Variants in SNX29 observed in about 807,000 individuals in gnomAD.
SNX29 encodes sorting nexin-29.
A neutral mutation model predicts 102.1 loss-of-function variants in SNX29; 78 were observed. The ratio of observed to expected loss-of-function variants is 0.76; its 90% CI spans 0.64 to 0.92. SNX29 has a LOEUF of 0.92. Among genes scored for constraint, SNX29 ranks in the 40% least tolerant of loss-of-function variants. The pLI, the probability that SNX29 is intolerant of heterozygous loss-of-function variation, is 0.00. For missense variants in SNX29, 1,280 were observed against 1,061.7 expected (o/e 1.21, Z -2.86); for synonymous variants, 580 against 414.5 (o/e 1.40, Z -4.85).
At chr16:12,127,900 C>G (rs1413380208) in intron 12 of SNX29, among the ~76,000 whole-genome samples, 2 of 152,052 alleles carry the variant, frequency 1.3e-5, no homozygotes, top group Non-Finnish European at 2.9e-5. Context: ...CTGCAGTTAC[C>G]CCCTGAACTT....
At chr16:12,162,454 A>G (rs376442920) in intron 13 of SNX29, among the ~76,000 whole-genome samples, 5 of 152,346 alleles carry the variant, frequency 3.3e-5, no homozygotes, top group African/African-American at 9.6e-5. Flanking sequence ...TGCAGGCCAT[A>G]TGGTCTCTGT....
chr16:12,301,636 A>G (rs574107331), intron 15 of SNX29, among the ~76,000 whole-genome samples: 2 of 152,312 alleles, frequency 1.3e-5, no homozygotes, highest in South Asian at 4.1e-4. Context: ...TTGGCTCTTT[A>G]TGGTCCATCT....
chr16:12,459,013 C>A (rs997496006), intron 18 of SNX29, among the ~76,000 whole-genome samples: 2 of 151,562 alleles, frequency 1.3e-5, no homozygotes, highest in Non-Finnish European at 2.9e-5. Context: ...CCTTCCTCCT[C>A]CCTTTCTCCC....
intron 13 of SNX29, among the ~76,000 whole-genome samples, chr16:12,193,401 G>A (rs1349116604): frequency 6.7e-6 from 1 of 148,752 alleles, no homozygotes; most frequent in Non-Finnish European, 1.5e-5. Flanking sequence ...GCCAGGAGGT[G>A]AAGGTTGTAG....
intron 13 of SNX29, among the ~76,000 whole-genome samples, chr16:12,174,897 A>C (rs942580912): frequency 6.6e-6 from 1 of 151,912 alleles, no homozygotes; most frequent in Admixed American, 6.6e-5. Flanking sequence ...GGGGGAAGAA[A>C]GTGGTCCTAT....
chr16:12,381,328 T>C (rs1322676412), intron 16 of SNX29, among the ~76,000 whole-genome samples: 2 of 78,784 alleles, frequency 2.5e-5, no homozygotes, highest in Non-Finnish European at 5.0e-5. Context: ...CACCCATCGT[T>C]CATCTCACCA....
chr16:12,042,966 G>T lies in SNX29; in HGVS notation c.317G>T (p.Arg106Leu). ...KHELQRFYSL[R>L]HIASDVGRGR... ...GAGCTGCAGCGCTTCTACTCCCTGC[G>T]CCACATCGCCTCAGACGTGGGCCGG... Residue 106 changes from arginine (R) to leucine (L), a missense_variant, in exon 5 of 21, where the codon CGC becomes CTC. By Grantham distance (102) the Arg-to-Leu change is moderately radical. Coordinates refer to ENST00000566228, the MANE Select transcript of SNX29 (RefSeq NM_032167.5). 2.5e-6 allele frequency: 4 copies of T among 1,613,894 alleles called. No individual in the cohort carries two copies. Among genetic ancestry groups the T allele is most frequent in the Non-Finnish European group, 3.4e-6 (4 of 1,179,868 alleles).
rs528979022 is a variant in SNX29, at chr16:12,336,215, G to T, written c.1783-19948G>T. On this transcript the variant is annotated intron_variant, in intron 15 of 20. Coordinates refer to ENST00000566228, the MANE Select transcript of SNX29 (RefSeq NM_032167.5). ...ATGGCTTCATATTGCGGGTCTTCCA[G>T]CCTGTAGGGAGAAAGCTTTGGTTTG... Among the ~76,000 whole-genome samples, 825 of 152,330 alleles carry T rather than the reference G, an allele frequency of 5.4e-3. 7 individuals carry two copies. Among genetic ancestry groups the T allele is most frequent in the Non-Finnish European group, 7.5e-3 (512 of 68,032 alleles).
At chr16:12,051,558 C>A (rs182928717) in intron 7 of SNX29, among the ~76,000 whole-genome samples, 36 of 152,276 alleles carry the variant, frequency 2.4e-4, no homozygotes, top group Admixed American at 7.2e-4. Context: ...CATTGAAGAT[C>A]ATTTTGGTAA....
intron 19 of SNX29, among the ~76,000 whole-genome samples, chr16:12,486,608 A>G (rs1324133536): frequency 6.6e-6 from 1 of 152,248 alleles, no homozygotes; most frequent in Non-Finnish European, 1.5e-5. Flanking sequence ...AGCACAGCCT[A>G]TCCCACAAGA....
At chr16:12,390,980 C>A (rs927195942) in intron 16 of SNX29, among the ~76,000 whole-genome samples, 3 of 152,104 alleles carry the variant, frequency 2.0e-5, no homozygotes, top group African/African-American at 7.2e-5. Flanking sequence ...GGGTCTCACT[C>A]TGTCACCATG....
At chr16:12,500,419 A>T (rs968359477) in intron 19 of SNX29, among the ~76,000 whole-genome samples, 1 of 152,208 alleles carries the variant, frequency 6.6e-6, no homozygotes, top group Non-Finnish European at 1.5e-5. Flanking sequence ...ATAGGTACTC[A>T]GAAAGCCAGG....
intron 20 of SNX29, among the ~76,000 whole-genome samples, chr16:12,558,486 G>GA (rs2078513555): frequency 2.0e-5 from 3 of 152,208 alleles, no homozygotes; most frequent in African/African-American, 7.2e-5. Flanking sequence ...GTTAAGCACA[G>GA]TGCATCTTTA....
intron 5 of SNX29, among the ~76,000 whole-genome samples, chr16:12,045,432 G>T (rs1349474597): frequency 6.6e-6 from 1 of 151,938 alleles, no homozygotes; most frequent in Non-Finnish European, 1.5e-5. Context: ...TTGGACTCGG[G>T]AGACCTGCTT....
intron 10 of SNX29, among the ~76,000 whole-genome samples, 176 bp downstream of exon 10, chr16:12,069,308 C>A (rs1189197820): frequency 6.6e-6 from 1 of 152,124 alleles, no homozygotes; most frequent in Non-Finnish European, 1.5e-5. Flanking sequence ...TTCTGTTGCC[C>A]AGGCTAGAGT....
At chr16:12,564,916 T>A (rs1228890385) in intron 20 of SNX29, among the ~76,000 whole-genome samples, 1 of 129,826 alleles carries the variant, frequency 7.7e-6, no homozygotes, top group Non-Finnish European at 1.6e-5. Flanking sequence ...CAGCAGGGAC[T>A]GGAGGGAACC....
chr16:12,568,619 GTGACCTC>G lies in SNX29; in HGVS notation c.2440_*4del. ...ACCCGCAACGTGGAGCCCCAGAGCG[GTGACCTC>G]TGACCTCGACAAAACCGCAGCCACG... On this transcript the variant is annotated frameshift_variant, in exon 21 of 21. Coordinates refer to ENST00000566228, the MANE Select transcript of SNX29 (RefSeq NM_032167.5). LOFTEE classifies it high-confidence loss of function. The G allele has an allele frequency of 6.2e-7, 1 of 1,603,622 alleles. No homozygotes were observed. Among genetic ancestry groups the G allele is most frequent in the Non-Finnish European group, 8.5e-7 (1 of 1,179,794 alleles).
chr16:12,015,082 G>A (rs2056802559), intron 3 of SNX29, among the ~76,000 whole-genome samples: 1 of 151,834 alleles, frequency 6.6e-6, no homozygotes, highest in Non-Finnish European at 1.5e-5. Context: ...ATTTTTCCAT[G>A]CGTACACAAT....
At chr16:12,169,134 G>A (rs911621012) in intron 13 of SNX29, among the ~76,000 whole-genome samples, 1 of 152,224 alleles carries the variant, frequency 6.6e-6, no homozygotes, top group African/African-American at 2.4e-5. Flanking sequence ...CTGTGAATAT[G>A]CTGAAAACCA....
Sources: allele counts gnomAD v4.1 joint callset (sites outside exome capture counted in the v4.1 genomes callset), GRCh38; gene constraint gnomAD v4.1.1; transcripts MANE v1.5; gene names NCBI Gene and HGNC (gene_info 2026-07-23, HGNC 2026-07-21).